The following KDM2B variants were observed in gnomAD, a reference collection of about 807,000 sequenced individuals.
KDM2B encodes lysine-specific demethylase 2B.
A neutral mutation model predicts 150.0 loss-of-function variants in KDM2B; 26 were observed. The observed-to-expected ratio is 0.17, with a 90% CI of 0.13 to 0.24. The LOEUF is 0.24. Among genes scored for constraint, KDM2B ranks in the 10% least tolerant of loss-of-function variants. The pLI is 1.00. For missense variants in KDM2B, 1,265 were observed against 1,816.9 expected (o/e 0.70, Z 5.52); for synonymous variants, 734 against 729.5 (o/e 1.01, Z -0.10).
chr12:121,491,724 G>A (rs933610722), intron 12 of KDM2B, among the ~76,000 whole-genome samples: 2 of 150,870 alleles, frequency 1.3e-5, no homozygotes, highest in Non-Finnish European at 2.9e-5. Flanking sequence ...AACCCAGGAA[G>A]CGGAGGTGGC....
chr12:121,423,719 A>G, the KDM2B span: 1 of 737,584 alleles, frequency 1.4e-6, no homozygotes, highest in East Asian at 2.8e-5. The surrounding 1 kb of genome is among the most constrained non-coding windows in gnomAD (Gnocchi z 4.3). Context: ...AGAAAGATCC[A>G]TCCTGAGTTG....
chr12:121,444,276 G>A lies in KDM2B; in HGVS notation c.2191-4C>T. 2 of 1,613,520 alleles carry A rather than the reference G, an allele frequency of 1.2e-6. No homozygotes were observed. Among genetic ancestry groups the A allele is most frequent in the Middle Eastern group, 1.7e-4 (1 of 6,060 alleles). ...TAAAGCCAGGGCCACGCTTTTGCTT[G>A]TAGGCCAAAAAGAGAGAATGAACAG... is the stretch of plus-strand genomic sequence containing the variant. On this transcript the variant is annotated splice_polypyrimidine_tract_variant and splice_region_variant and intron_variant, in intron 15 of 22. Transcript: ENST00000377071.
intron 4 of KDM2B, among the ~76,000 whole-genome samples, chr12:121,557,478 G>A (rs1889990756): frequency 1.3e-5 from 2 of 152,092 alleles, no homozygotes; most frequent in African/African-American, 4.8e-5. Context: ...GACCTCAGGT[G>A]ATCCACCCAC....
Position 121,430,017 on chromosome 12 carries a change from C to A in KDM2B, c.*271G>T, listed in dbSNP as rs782151274. On this transcript the variant is annotated 3_prime_UTR_variant, in exon 23 of 23. Coordinates refer to ENST00000377071, the MANE Select transcript of KDM2B (RefSeq NM_032590.5). This position sits in a 1 kb window ranked among gnomAD's most constrained non-coding sequence, Gnocchi z 4.4. ...TATGAGAATTTCTCCGAAGTCCACC[C>A]TCCTCTCCGACAGGAATGTCTTCTT... 1.9e-6 allele frequency: 2 copies of A among 1,042,832 alleles called. No homozygotes were observed. The highest frequency in any genetic ancestry group is 2.5e-5 in the South Asian group (2 of 79,214). The allele number at this position is 1,042,832 out of a possible 1,614,324, so 64.6% of individuals were successfully genotyped here.
chr12:121,495,874 G>A (rs528159790), intron 11 of KDM2B, among the ~76,000 whole-genome samples: 7 of 151,886 alleles, frequency 4.6e-5, no homozygotes, highest in Middle Eastern at 3.4e-3. Context: ...GCCAAATTGT[G>A]GCAGAAAAAT....
chr12:121,496,519 CAG>C (rs762426721), intron 11 of KDM2B, among the ~76,000 whole-genome samples: 1,454 of 120,506 alleles, frequency 0.012, 10 homozygotes, highest in Non-Finnish European at 0.019. Context: ...TTTTTTGAGA[CAG>C]GGTGTGACTG....
intron 4 of KDM2B, among the ~76,000 whole-genome samples, chr12:121,556,881 C>T (rs1889938751): frequency 6.6e-6 from 1 of 151,508 alleles, no homozygotes; most frequent in African/African-American, 2.4e-5. Context: ...CAACCTCAGG[C>T]ATTCCTTTAT....
intron 13 of KDM2B, among the ~76,000 whole-genome samples, chr12:121,446,823 A>G (rs1876360866): frequency 6.6e-6 from 1 of 152,362 alleles, no homozygotes; most frequent in South Asian, 2.1e-4. Context: ...GACTTTTCCA[A>G]TGAGATCAGT....
Position 121,453,526 on chromosome 12 carries a change from A to C in KDM2B, c.1735-182T>G, listed in dbSNP as rs565647533. 6.6e-6 allele frequency among the ~76,000 whole-genome samples: 1 copy of C among 152,356 alleles called. No individual in the cohort carries two copies. Among genetic ancestry groups the C allele is most frequent in the East Asian group, 1.9e-4 (1 of 5,192 alleles). Reference sequence around the variant, plus strand: ...GGCTTTGCAGAGACCGTCAGGTTAAACGAGGTAATTCAGGTGAACGCTAAT... The same window carrying C: ...GGCTTTGCAGAGACCGTCAGGTTAACCGAGGTAATTCAGGTGAACGCTAAT... On this transcript the variant is annotated intron_variant, in intron 12 of 22. Coordinates refer to ENST00000377071, the MANE Select transcript of KDM2B (RefSeq NM_032590.5). The surrounding 1 kb of genome is among the most constrained non-coding windows in gnomAD (Gnocchi z 6.4).
At chr12:121,463,502 T>C (rs1302250340) in intron 12 of KDM2B, among the ~76,000 whole-genome samples, 1 of 152,244 alleles carries the variant, frequency 6.6e-6, no homozygotes, top group Admixed American at 6.5e-5. Flanking sequence ...AATGGTTCTA[T>C]GACCACATAA....
At chr12:121,410,394 G>A in the KDM2B span, among the ~76,000 whole-genome samples, 2 of 151,904 alleles carry the variant, frequency 1.3e-5, no homozygotes, top group Non-Finnish European at 2.9e-5. Context: ...AAAATTAGCC[G>A]GGTGTGGTGG....
At chr12:121,527,089 C>T (rs1887207713) in intron 8 of KDM2B, among the ~76,000 whole-genome samples, 1 of 151,676 alleles carries the variant, frequency 6.6e-6, no homozygotes, top group Non-Finnish European at 1.5e-5. Flanking sequence ...GCTCTGTCGC[C>T]CAGGCTGGAG....
At position 121,520,708 on chromosome 12, in the gene KDM2B, G is replaced by A. The variant is rs1886607803; in HGVS notation, c.1047+277C>T. ...AGAGGCAGGTCCCTGAAATCTCACG[G>A]TGCTTTCTCAGAGACACTTCCTCTT... On this transcript the variant is annotated intron_variant, in intron 9 of 22. Transcript: ENST00000377071. This position sits in a 1 kb window ranked among gnomAD's most constrained non-coding sequence, Gnocchi z 4.5. Among the ~76,000 whole-genome samples the A allele has an allele frequency of 6.6e-6, 1 of 152,136 alleles. No individual in the cohort carries two copies. The highest frequency in any genetic ancestry group is 2.4e-5 in the African/African-American group (1 of 41,444).
the KDM2B span, among the ~76,000 whole-genome samples, chr12:121,410,150 G>A: frequency 2.2e-3 from 319 of 142,862 alleles, 3 homozygotes; most frequent in African/African-American, 8.5e-3. Context: ...GCGAAACTCC[G>A]TCTCAAAAAA....
chr12:121,421,371 TAAAAAAAAA>T, the KDM2B span, among the ~76,000 whole-genome samples: 7 of 46,378 alleles, frequency 1.5e-4, no homozygotes, highest in South Asian at 1.9e-3. Flanking sequence ...ATCCCATCTC[TAAAAAAAAA>T]AAAAAAAAAA....
Position 121,520,022 on chromosome 12 carries a change from A to T in KDM2B, c.1047+963T>A, listed in dbSNP as rs567464181. ...ACCCTCCCACCACAGCCTCTCAAGT[A>T]GCTGGGACTACAGGCGTACACCACC... On this transcript the variant is annotated intron_variant, in intron 9 of 22. Coordinates refer to ENST00000377071, the MANE Select transcript of KDM2B (RefSeq NM_032590.5). This position sits in a 1 kb window ranked among gnomAD's most constrained non-coding sequence, Gnocchi z 4.5. Among the ~76,000 whole-genome samples the T allele has an allele frequency of 5.3e-5, 8 of 152,146 alleles. No individual in the cohort carries two copies. The East Asian group carries it at 1.5e-3, about 29-fold the overall frequency.
At position 121,543,224 on chromosome 12, in the gene KDM2B, C is replaced by T. The variant is rs1594091031; in HGVS notation, c.683+5653G>A. ...TACAAAAATTAGCTGGGTGTAATGG[C>T]GGGAGCCTGTAATCCCAGCTACTTG... is the stretch of plus-strand genomic sequence containing the variant. On this transcript the variant is annotated intron_variant, in intron 6 of 22. Coordinates refer to ENST00000377071, the MANE Select transcript of KDM2B (RefSeq NM_032590.5). Among the ~76,000 whole-genome samples, 3 of 151,984 alleles carry T rather than the reference C, an allele frequency of 2.0e-5. No homozygotes were observed. The South Asian group carries it at 6.2e-4, about 32-fold the overall frequency.
At chr12:121,541,142 G>A (rs1888575015) in intron 6 of KDM2B, among the ~76,000 whole-genome samples, 1 of 152,086 alleles carries the variant, frequency 6.6e-6, no homozygotes, top group Non-Finnish European at 1.5e-5. Context: ...TGAGGCAGGA[G>A]AATCGCTTGA....
chr12:121,499,714 A>G (rs1419916490), intron 11 of KDM2B, among the ~76,000 whole-genome samples: 3 of 151,968 alleles, frequency 2.0e-5, no homozygotes, highest in South Asian at 2.1e-4. Context: ...TTGAGAGGCC[A>G]AGGTGGACAA....
Sources: gnomAD v4.1 joint callset for allele counts (sites outside exome capture counted in the v4.1 genomes callset) on GRCh38, gnomAD v4.1.1 for gene constraint, Gnocchi (gnomAD v3.1) non-coding constraint, MANE v1.5 for transcripts, NCBI Gene and HGNC (gene_info 2026-07-23, HGNC 2026-07-21) for gene names.